The following RIC8B variants were observed in gnomAD, a reference collection of about 807,000 sequenced individuals.
RIC8B encodes the protein RIC8 guanine nucleotide exchange factor B.
A neutral mutation model predicts 57.5 loss-of-function variants in RIC8B; 16 were observed. That is an observed-to-expected ratio of 0.28 (90% CI 0.19 to 0.42). The LOEUF (loss-of-function observed/expected upper bound fraction) is 0.42, where lower values mean the gene tolerates loss of function less well. RIC8B is among the 10% of genes least tolerant of loss of function. The pLI is 1.00. For missense variants in RIC8B, 481 were observed against 677.0 expected (o/e 0.71, Z 3.21); for synonymous variants, 216 against 250.8 (o/e 0.86, Z 1.31).
intron 8 of RIC8B, among the ~76,000 whole-genome samples, chr12:106,870,437 T>G (rs1391293899): frequency 3.9e-5 from 6 of 152,238 alleles, no homozygotes; most frequent in Non-Finnish European, 7.3e-5. Flanking sequence ...TGTTTTATGC[T>G]GTATCACAAA....
chr12:106,815,041 A>G lies in RIC8B; in HGVS notation c.478A>G (p.Ile160Val), dbSNP rs2045509476. 1 of 1,614,250 alleles carries G rather than the reference A, an allele frequency of 6.2e-7. No homozygotes were observed. Among genetic ancestry groups the G allele is most frequent in the Non-Finnish European group, 8.5e-7 (1 of 1,180,044 alleles). Residue 160 changes from isoleucine (I) to valine (V), a missense_variant, in exon 3 of 10, where the codon ATT becomes GTT. Transcript: ENST00000392837. The part of the protein sequence containing the change: ...KCKDRKFIND[I>V]KCFDLRLLFL... ...CAAGGACCGGAAATTTATCAATGAC[A>G]TTAAGTGCTTTGACTTGCGCTTGCT...
intron 2 of RIC8B, among the ~76,000 whole-genome samples, chr12:106,796,928 T>C (rs541208933): frequency 6.6e-6 from 1 of 152,362 alleles, no homozygotes; most frequent in South Asian, 2.1e-4. Context: ...ATGCTTGATA[T>C]CATTAGTCAT....
chr12:106,873,104 A>G (rs1950517414), intron 9 of RIC8B: 1 of 985,282 alleles, frequency 1.0e-6, no homozygotes. Context: ...CCCAGCTTCC[A>G]CCTGATTTAA....
At chr12:106,776,321 T>C (rs1410154477) in intron 1 of RIC8B, among the ~76,000 whole-genome samples, 2 of 152,220 alleles carry the variant, frequency 1.3e-5, no homozygotes, top group East Asian at 3.8e-4. Context: ...GTTGTACATA[T>C]TGTGGAGATT....
At chr12:106,821,871 G>A (rs573961760) in intron 3 of RIC8B, among the ~76,000 whole-genome samples, 2 of 152,068 alleles carry the variant, frequency 1.3e-5, no homozygotes, top group Non-Finnish European at 2.9e-5. Context: ...GAGGTCAGGA[G>A]ATCGAGACCA....
At chr12:106,800,971 A>G (rs1179705444) in intron 2 of RIC8B, among the ~76,000 whole-genome samples, 1 of 152,202 alleles carries the variant, frequency 6.6e-6, no homozygotes, top group African/African-American at 2.4e-5. Flanking sequence ...AGCTTGTGCT[A>G]AGAACTCCCT....
In RIC8B at chr12:106,784,063, C is replaced by T. The variant is rs372501150; in HGVS notation, c.132+19C>T. On this transcript the variant is annotated intron_variant, in intron 2 of 9. Transcript: ENST00000392837. Reference sequence around the variant, plus strand: ...AAGAAAGGTAAGCCTTGGTGTTGCTCTGTGAATGTTTATGTGTGTGTGTAT... The same window carrying T: ...AAGAAAGGTAAGCCTTGGTGTTGCTTTGTGAATGTTTATGTGTGTGTGTAT... 1.2e-6 allele frequency: 2 copies of T among 1,609,960 alleles called. No homozygotes were observed. Among genetic ancestry groups the T allele is most frequent in the East Asian group, 2.2e-5 (1 of 44,830 alleles).
intron 1 of RIC8B, among the ~76,000 whole-genome samples, chr12:106,780,964 A>G (rs2043737799): frequency 6.6e-6 from 1 of 152,244 alleles, no homozygotes; most frequent in Non-Finnish European, 1.5e-5. Context: ...TTTAGTAAAC[A>G]GTAAGACTGG....
chr12:106,867,195 C>T lies in RIC8B; in HGVS notation c.1452-3628C>T, dbSNP rs1593358236. Among the ~76,000 whole-genome samples, 1 of 152,160 alleles carries T rather than the reference C, an allele frequency of 6.6e-6. No individual in the cohort carries two copies. The highest frequency in any genetic ancestry group is 2.1e-4 in the South Asian group (1 of 4,828). Reference sequence around the variant, plus strand: ...CTTGAAATACAGTTCAGGTTTTATACCTGTGTTCATTTGTCCATACCTTTT... The same window carrying T: ...CTTGAAATACAGTTCAGGTTTTATATCTGTGTTCATTTGTCCATACCTTTT... On this transcript the variant is annotated intron_variant, in intron 8 of 9. Coordinates refer to ENST00000392837, the MANE Select transcript of RIC8B (RefSeq NM_001330145.2). This position sits in a 1 kb window ranked among gnomAD's most constrained non-coding sequence, Gnocchi z 4.3.
chr12:106,797,712 T>C (rs2044546347), intron 2 of RIC8B, among the ~76,000 whole-genome samples: 1 of 152,224 alleles, frequency 6.6e-6, no homozygotes, highest in African/African-American at 2.4e-5. Context: ...TCTACACCCA[T>C]CATCGTTCCA....
intron 9 of RIC8B, among the ~76,000 whole-genome samples, chr12:106,885,224 G>A (rs11113136): frequency 0.024 from 3,709 of 152,204 alleles, 66 homozygotes; most frequent in Non-Finnish European, 0.04. Flanking sequence ...GCTGAAAAGC[G>A]GCAGTTGCGG....
chr12:106,869,350 A>G (rs1950287177), intron 8 of RIC8B, among the ~76,000 whole-genome samples: 1 of 152,206 alleles, frequency 6.6e-6, no homozygotes, highest in Non-Finnish European at 1.5e-5. Context: ...AGCCCTAGTC[A>G]GTAAAGAACT....
At chr12:106,852,532 G>A (rs1949518114) in intron 7 of RIC8B, among the ~76,000 whole-genome samples, 1 of 152,166 alleles carries the variant, frequency 6.6e-6, no homozygotes, top group South Asian at 2.1e-4. Flanking sequence ...TATTATAATG[G>A]TGATTATGAA....
rs1566120938 is a variant in RIC8B at position 106,842,742 on chromosome 12, T to C, written c.990T>C (p.Asn330=). 2.2e-5 allele frequency: 36 copies of C among 1,613,852 alleles called. No individual in the cohort carries two copies. Among genetic ancestry groups the C allele is most frequent in the Non-Finnish European group, 3.0e-5 (35 of 1,179,796 alleles). ...AGAAAGAAACAGTTTTGAAAAACAA[T>C]ACCATGGTATACAATGGTATGAATA... is the stretch of plus-strand genomic sequence containing the variant. ...TAEKETVLKN[N]TMVYNGMNME... is the part of the protein sequence containing the mutation. The change falls in exon 5 of 10, where the codon AAT becomes AAC. Residue 330 remains asparagine (N), a synonymous_variant. Coordinates refer to ENST00000392837, the MANE Select transcript of RIC8B (RefSeq NM_001330145.2).
intron 4 of RIC8B, among the ~76,000 whole-genome samples, chr12:106,840,338 G>T (rs183952746): frequency 2.1e-4 from 32 of 152,280 alleles, no homozygotes; most frequent in African/African-American, 6.0e-4. Context: ...TATCAGGAGG[G>T]GGCTGGGAGC....
At chr12:106,868,354 C>T (rs1378269799) in intron 8 of RIC8B, 2 of 456,756 alleles carry the variant, frequency 4.4e-6, no homozygotes, top group Non-Finnish European at 4.4e-6. Flanking sequence ...TAAGCATGAT[C>T]TACATAGTTA....
intron 2 of RIC8B, among the ~76,000 whole-genome samples, chr12:106,793,651 C>T (rs1276155335): frequency 6.6e-6 from 1 of 152,120 alleles, no homozygotes; most frequent in African/African-American, 2.4e-5. Flanking sequence ...ATTAGTGTCA[C>T]ATAAGAGCTG....
chr12:106,844,990 C>A lies in RIC8B; in HGVS notation c.1161+1043C>A, dbSNP rs144569155. On this transcript the variant is annotated intron_variant, in intron 6 of 9. Transcript: ENST00000392837. Reference sequence around the variant, plus strand: ...TAGTACCCTCAATCCAACATTCTTTCTTCCTCGGAGGATTGTCAGTCTGTC... The same window carrying A: ...TAGTACCCTCAATCCAACATTCTTTATTCCTCGGAGGATTGTCAGTCTGTC... Among the ~76,000 whole-genome samples the A allele has an allele frequency of 2.4e-4, 37 of 152,278 alleles. No homozygotes were observed. In the East Asian group the frequency reaches 2.9e-3, roughly 12 times the overall value.
At position 106,842,731 on chromosome 12, in the gene RIC8B, T is replaced by G. The variant is rs1390155941; in HGVS notation, c.979T>G (p.Leu327Val). ...SNKTAEKETV[L>V]KNNTMVYNGM... is the part of the protein sequence containing the mutation. ...TAAAACAGCTGAGAAAGAAACAGTTTTGAAAAACAATACCATGGTATACAA... is the reference window on the plus strand; with the variant it reads ...TAAAACAGCTGAGAAAGAAACAGTTGTGAAAAACAATACCATGGTATACAA... Residue 327 changes from leucine (L) to valine (V), a missense_variant, in exon 5 of 10, where the codon TTG (leucine) becomes GTG (valine). Leu to Val is a conservative substitution (Grantham distance 32, BLOSUM62 1). Coordinates refer to ENST00000392837, the MANE Select transcript of RIC8B (RefSeq NM_001330145.2). 5 of 1,614,020 alleles carry G rather than the reference T, an allele frequency of 3.1e-6. No homozygotes were observed. In the Admixed American group the frequency reaches 5.0e-5, roughly 16 times the overall value.
Sources: gnomAD v4.1 joint callset for allele counts (sites outside exome capture counted in the v4.1 genomes callset) on GRCh38, gnomAD v4.1.1 for gene constraint, Gnocchi (gnomAD v3.1) non-coding constraint, MANE v1.5 for transcripts, NCBI Gene and HGNC (gene_info 2026-07-23, HGNC 2026-07-21) for gene names.